GLS: variants seen among roughly 807,000 people sequenced by gnomAD.
The protein encoded by GLS is glutaminase, also known as glutaminase kidney isoform, mitochondrial.
A neutral mutation model predicts 86.7 loss-of-function variants in GLS; 36 were observed. The observed-to-expected ratio is 0.42, with a 90% CI of 0.32 to 0.55. GLS has a LOEUF of 0.55. Among genes scored for constraint, GLS ranks in the 20% least tolerant of loss-of-function variants. GLS has a pLI of 0.17. For synonymous variants in GLS, 317 were observed against 305.9 expected (o/e 1.04, Z -0.38); for missense variants, 528 against 833.4 (o/e 0.63, Z 4.51).
chr2:190,916,286 C>G (rs1348412901), intron 7 of GLS, among the ~76,000 whole-genome samples: 1 of 151,774 alleles, frequency 6.6e-6, no homozygotes, highest in African/African-American at 2.4e-5. Context: ...GTATGACCAG[C>G]TCTCATTTAT....
At chr2:190,894,046 G>A (rs570123968) in intron 1 of GLS, among the ~76,000 whole-genome samples, 2 of 152,220 alleles carry the variant, frequency 1.3e-5, no homozygotes, top group South Asian at 4.1e-4. Flanking sequence ...TAGCATTTTA[G>A]TGTTACACTA....
rs1690840436 is a variant in GLS, at chr2:190,955,522, C to T, written c.1853+704C>T. 6.6e-6 allele frequency among the ~76,000 whole-genome samples: 1 copy of T among 152,174 alleles called. No homozygotes were observed. Among genetic ancestry groups the T allele is most frequent in the South Asian group, 2.1e-4 (1 of 4,830 alleles). The stretch of plus-strand genomic sequence containing the variant: ...ATGTGCCACATTTTCTTTATCCAGT[C>T]TATTATCGATGGTCATTTGGGTTAG... On this transcript the variant is annotated intron_variant, in intron 17 of 17. Transcript: ENST00000320717. The surrounding 1 kb of genome is among the most constrained non-coding windows in gnomAD (Gnocchi z 5.6).
chr2:190,953,830 A>G lies in GLS; in HGVS notation c.1712+204A>G, dbSNP rs149748664. ...TTTTCTGCCTCCTATAAAAAAGACC[A>G]TATCTCTGTTTCCCCAAGTAGTAAC... On this transcript the variant is annotated intron_variant, in intron 15 of 17. Coordinates refer to ENST00000320717, the MANE Select transcript of GLS (RefSeq NM_014905.5). The surrounding 1 kb of genome is among the most constrained non-coding windows in gnomAD (Gnocchi z 4.0). 4.6e-5 allele frequency among the ~76,000 whole-genome samples: 7 copies of G among 152,132 alleles called. No homozygotes were observed. The highest frequency in any genetic ancestry group is 9.7e-5 in the African/African-American group (4 of 41,410).
chr2:190,962,809 C>T lies in GLS; in HGVS notation c.1854-21C>T. 1 of 1,412,174 alleles carries T rather than the reference C, an allele frequency of 7.1e-7. No individual in the cohort carries two copies. The highest frequency in any genetic ancestry group is 9.3e-7 in the Non-Finnish European group (1 of 1,072,436). 87.5% of individuals were successfully genotyped at this position (1,412,174 alleles called of 1,614,324 possible). On this transcript the variant is annotated intron_variant, in intron 17 of 17. Transcript: ENST00000320717. This position sits in a 1 kb window ranked among gnomAD's most constrained non-coding sequence, Gnocchi z 4.2. ...ACATAAATTACCTAATGACCCTGTC[C>T]ATGCTGTGCTACGTGTTTAGGTGGA... is the stretch of plus-strand genomic sequence containing the variant.
Position 190,880,918 on chromosome 2 carries a change from GCAC to G in GLS, c.-165_-163del, listed in dbSNP as rs1207456630. ...AGCAGCAGCAGCAGCAGCAGCAGCA[GCAC>G]CCGCATCCGCTGCGGGAGTCCGAGC... On this transcript the variant is annotated 5_prime_UTR_variant, in exon 1 of 18. Coordinates refer to ENST00000320717, the MANE Select transcript of GLS (RefSeq NM_014905.5). 573 of 882,290 alleles carry G rather than the reference GCAC, an allele frequency of 6.5e-4. 13 individuals are homozygous for G. Among genetic ancestry groups the G allele is most frequent in the African/African-American group, 3.3e-3 (183 of 55,530 alleles). The allele number at this position is 882,290 out of a possible 1,614,324, so 54.7% of individuals were successfully genotyped here. A position where few individuals can be genotyped will look rare whatever the true frequency, so the allele number is the denominator to read the frequency against.
At chr2:190,941,514 A>G (rs1383130587) in intron 14 of GLS, among the ~76,000 whole-genome samples, 1 of 151,188 alleles carries the variant, frequency 6.6e-6, no homozygotes, top group Middle Eastern at 3.2e-3. Flanking sequence ...TATTTCAGCA[A>G]ATATAATGAT....
Position 190,905,332 on chromosome 2 carries a change from T to G in GLS, c.979+165T>G, listed in dbSNP as rs1454095474. 9.0e-6 allele frequency: 5 copies of G among 555,184 alleles called. No homozygotes were observed. Among genetic ancestry groups the G allele is most frequent in the Admixed American group, 3.3e-5 (1 of 30,460 alleles). The allele number at this position is 555,184 out of a possible 1,614,324, so 34.4% of individuals were successfully genotyped here. Reference sequence around the variant, plus strand: ...CACCTACTTTTAAAAATGATTATTTTAGGCATCTCATACCACTGGGAAGTG... The same window carrying G: ...CACCTACTTTTAAAAATGATTATTTGAGGCATCTCATACCACTGGGAAGTG... On this transcript the variant is annotated intron_variant, in intron 6 of 17. Transcript: ENST00000320717. This position sits in a 1 kb window ranked among gnomAD's most constrained non-coding sequence, Gnocchi z 4.6.
rs991481183 is a variant in GLS at position 190,930,369 on chromosome 2, A to G, written c.1426-68A>G. On this transcript the variant is annotated intron_variant, in intron 12 of 17. Transcript: ENST00000320717. This position sits in a 1 kb window ranked among gnomAD's most constrained non-coding sequence, Gnocchi z 5.0. ...CATGGTGCCCAGCCCCAGTTTCCCT[A>G]TTGTTGAACATAACATTTCTTATTT... The G allele has an allele frequency of 3.1e-5, 38 of 1,210,088 alleles. No homozygotes were observed. The African/African-American group carries it at 3.9e-4, about 12-fold the overall frequency. 75.0% of individuals were successfully genotyped at this position (1,210,088 alleles called of 1,614,324 possible).
chr2:190,960,206 G>A (rs552998984), intron 17 of GLS, among the ~76,000 whole-genome samples: 1 of 152,136 alleles, frequency 6.6e-6, no homozygotes. Context: ...TGAGTAATGA[G>A]AATAAAAGTT....
At position 190,923,917 on chromosome 2, in the gene GLS, G is replaced by A. The variant is rs1438128229; in HGVS notation, c.1131G>A (p.Thr377=). The change falls in exon 10 of 18, where the codon ACG becomes ACA. Residue 377 remains threonine, a splice_region_variant and synonymous_variant. Transcript: ENST00000320717. ...GNEYVGFSNA[T]FQSERESGDR... ...CAAATGTTTTTTTTTCTTCTTCCAG[G>A]TTTCAGTCTGAAAGAGAAAGTGGAG... 1 of 1,549,962 alleles carries A rather than the reference G, an allele frequency of 6.5e-7. No individual in the cohort carries two copies. The highest frequency in any genetic ancestry group is 8.8e-7 in the Non-Finnish European group (1 of 1,130,572).
intron 3 of GLS, among the ~76,000 whole-genome samples, chr2:190,900,101 T>C (rs1382346486): frequency 6.6e-6 from 1 of 152,144 alleles, no homozygotes; most frequent in African/African-American, 2.4e-5. Context: ...AAATATGTTA[T>C]AATGCAAAAT....
rs1365452819 is a variant in GLS at position 190,965,368 on chromosome 2, T to G, written c.*2382T>G. ...CTGGCAGGGACTGAATGACCTGATG[T>G]CAGATTTAGATTCTTCCTGGGGATT... On this transcript the variant is annotated 3_prime_UTR_variant, in exon 18 of 18. Transcript: ENST00000320717. This position sits in a 1 kb window ranked among gnomAD's most constrained non-coding sequence, Gnocchi z 5.0. The G allele has an allele frequency of 1.3e-5, 2 of 152,660 alleles. No homozygotes were observed. Among genetic ancestry groups the G allele is most frequent in the African/African-American group, 2.4e-5 (1 of 41,460 alleles). The allele number at this position is 152,660 out of a possible 1,614,324, so 9.5% of individuals were successfully genotyped here.
rs1689310885 is a variant in GLS at position 190,910,298 on chromosome 2, ATTG to A, written c.1020_1022del (p.Val341del). On this transcript the variant is annotated inframe_deletion, in exon 7 of 18. Transcript: ENST00000320717. ...TAATCCTATGGTAAATGCTGGAGCA[ATTG>A]TTGTGACTTCACTAATAAAGGTAAA... 6.3e-7 allele frequency: 1 copy of A among 1,577,260 alleles called. No homozygotes were observed. Among genetic ancestry groups the A allele is most frequent in the Non-Finnish European group, 8.7e-7 (1 of 1,153,394 alleles).
At chr2:190,881,531 G>A in intron 1 of GLS, 61 bp downstream of exon 1, 1 of 1,451,408 alleles carries the variant, frequency 6.9e-7, no homozygotes, top group Non-Finnish European at 9.3e-7. Flanking sequence ...CTCAGGCTGT[G>A]TGGGGCCCTG....
intron 6 of GLS, among the ~76,000 whole-genome samples, chr2:190,908,802 T>G (rs1054489919): frequency 6.6e-6 from 1 of 152,248 alleles, no homozygotes. Flanking sequence ...AGCAATTACA[T>G]ACATCTGAAA....
intron 1 of GLS, among the ~76,000 whole-genome samples, chr2:190,887,601 C>A (rs1921915): frequency 0.92 from 140,441 of 152,146 alleles, 64,871 homozygotes; most frequent in Non-Finnish European, 0.94. Context: ...TGACATAGAC[C>A]CGTCCTTCAA....
intron 5 of GLS, among the ~76,000 whole-genome samples, chr2:190,903,822 A>C (rs1026825474): frequency 6.6e-6 from 1 of 152,186 alleles, no homozygotes; most frequent in African/African-American, 2.4e-5. Context: ...CACATGAATA[A>C]ATTTGATAGG....
chr2:190,887,639 A>G (rs1376060258), intron 1 of GLS, among the ~76,000 whole-genome samples: 2 of 152,144 alleles, frequency 1.3e-5, no homozygotes, highest in African/African-American at 4.8e-5. Context: ...TCTGAAGAGC[A>G]ATTTTTAAGC....
Position 190,925,213 on chromosome 2 carries a change from ATTTTTTAT to A in GLS, c.1248+634_1248+641del, listed in dbSNP as rs1180165628. ...TTACATTTTGTTTGGGAAAAGCTTT[ATTTTTTAT>A]TTTTTTATTTTTTAAATCAGAGGGC... is the stretch of plus-strand genomic sequence containing the variant. On this transcript the variant is annotated intron_variant, in intron 11 of 17. Transcript: ENST00000320717. 9.2e-5 allele frequency among the ~76,000 whole-genome samples: 14 copies of A among 152,170 alleles called. 1 individual carries two copies. The South Asian group carries it at 1.9e-3, about 20-fold the overall frequency.
Sources: allele counts gnomAD v4.1 joint callset (sites outside exome capture counted in the v4.1 genomes callset), GRCh38; gene constraint gnomAD v4.1.1; non-coding constraint Gnocchi (gnomAD v3.1); transcripts MANE v1.5; gene names NCBI Gene and HGNC (gene_info 2026-07-23, HGNC 2026-07-21).